Variants in DACH1 observed in about 807,000 individuals in gnomAD.
The protein encoded by DACH1 is dachshund family transcription factor 1.
Under a neutral mutation model 54.2 loss-of-function variants are expected in DACH1, and 12 were observed. That is an observed-to-expected ratio of 0.22 (90% CI 0.14 to 0.36). The LOEUF is 0.36. Among genes scored for constraint, DACH1 ranks in the 10% least tolerant of loss-of-function variants. The probability of loss-of-function intolerance (pLI) is 1.00; values close to 1 mark genes in which losing one functional copy is unlikely to be tolerated. For synonymous variants in DACH1, 386 were observed against 366.2 expected (o/e 1.05, Z -0.62); for missense variants, 805 against 929.8 (o/e 0.87, Z 1.75).
intron 1 of DACH1, among the ~76,000 whole-genome samples, chr13:71,791,990 C>G (rs1293932643): frequency 6.6e-6 from 1 of 152,156 alleles, no homozygotes; most frequent in Non-Finnish European, 1.5e-5. Flanking sequence ...GAGGGACACT[C>G]TAACTGTATC....
intron 1 of DACH1, among the ~76,000 whole-genome samples, chr13:71,856,727 T>C (rs1874027175): frequency 6.6e-6 from 1 of 151,958 alleles, no homozygotes; most frequent in Admixed American, 6.6e-5. Flanking sequence ...GCTTGCACTC[T>C]TACCGATGAC....
chr13:71,856,365 G>GA (rs1193886989), intron 1 of DACH1, among the ~76,000 whole-genome samples: 1 of 151,788 alleles, frequency 6.6e-6, no homozygotes, highest in Admixed American at 6.6e-5. Context: ...CAGTGCGTAA[G>GA]AAAAAAATCA....
rs117737234 is a variant in DACH1, at chr13:71,544,778, C to T, written c.1570+12246G>A. Among the ~76,000 whole-genome samples the T allele has an allele frequency of 3.9e-3, 594 of 152,144 alleles. 4 individuals carry two copies. Among genetic ancestry groups the T allele is most frequent in the Non-Finnish European group, 6.6e-3 (451 of 67,970 alleles). On this transcript the variant is annotated intron_variant, in intron 6 of 10. Coordinates refer to ENST00000613252, the MANE Select transcript of DACH1 (RefSeq NM_080759.6). ...CACCACATATTCATGGAACTTGCAACCTGGTGAATTACAAATCTTATCAGG... is the reference window on the plus strand; with the variant it reads ...CACCACATATTCATGGAACTTGCAATCTGGTGAATTACAAATCTTATCAGG...
intron 1 of DACH1, among the ~76,000 whole-genome samples, chr13:71,701,483 T>C (rs2138751074): frequency 6.6e-6 from 1 of 152,284 alleles, no homozygotes; most frequent in East Asian, 1.9e-4. Context: ...TGATGATTCC[T>C]TGTTCAGATA....
At position 71,479,259 on chromosome 13, in the gene DACH1, C is replaced by T. The variant is rs1179043824; in HGVS notation, c.1780G>A (p.Glu594Lys). The change falls in exon 8 of 11, where the codon GAA becomes AAA. Residue 594 changes from glutamate (E) to lysine (K), a missense_variant. Coordinates refer to ENST00000613252, the MANE Select transcript of DACH1 (RefSeq NM_080759.6). ...ARAQEKQVQLEKTELKMDFLR... is the reference protein window; with the variant it reads ...ARAQEKQVQLKKTELKMDFLR... ...AAATCCATCTTCAGCTCAGTTTTTTCCAGTTGGACCTGTTTCTCTTGAGCT... is the reference window on the plus strand; with the variant it reads ...AAATCCATCTTCAGCTCAGTTTTTTTCAGTTGGACCTGTTTCTCTTGAGCT... 3.7e-6 allele frequency: 6 copies of T among 1,613,484 alleles called. No homozygotes were observed. In the Admixed American group the frequency reaches 1.0e-4, roughly 27 times the overall value.
chr13:71,723,095 A>G (rs1435094788), intron 1 of DACH1, among the ~76,000 whole-genome samples: 1 of 152,052 alleles, frequency 6.6e-6, no homozygotes, highest in Non-Finnish European at 1.5e-5. Context: ...TCCTAAATAA[A>G]ATAAAACCTA....
chr13:71,761,751 T>C (rs1443603769), intron 1 of DACH1, among the ~76,000 whole-genome samples: 1 of 152,174 alleles, frequency 6.6e-6, no homozygotes, highest in Non-Finnish European at 1.5e-5. Flanking sequence ...AGCCATACTT[T>C]GATAAGCAAG....
intron 8 of DACH1, among the ~76,000 whole-genome samples, chr13:71,478,477 T>C (rs539966168): frequency 6.6e-6 from 1 of 152,322 alleles, no homozygotes; most frequent in Non-Finnish European, 1.5e-5. Context: ...AAGAGGCAGT[T>C]GATTGTAGAC....
At chr13:71,577,051 G>A (rs961689774) in intron 3 of DACH1, among the ~76,000 whole-genome samples, 5 of 152,020 alleles carry the variant, frequency 3.3e-5, no homozygotes, top group African/African-American at 1.2e-4. Flanking sequence ...CCTTACTGAG[G>A]AACTTCCTAA....
chr13:71,482,793 GTTTTTTT>G (rs10716729), intron 7 of DACH1, among the ~76,000 whole-genome samples: 1 of 67,494 alleles, frequency 1.5e-5, no homozygotes, highest in African/African-American at 4.6e-5. Context: ...TCAACTGACA[GTTTTTTT>G]TTTTTTTTTT....
chr13:71,515,995 G>C (rs185728738), intron 6 of DACH1, among the ~76,000 whole-genome samples: 97 of 152,006 alleles, frequency 6.4e-4, no homozygotes, highest in African/African-American at 2.1e-3. Flanking sequence ...GAAGTTAGGA[G>C]GCTATTTAAA....
At chr13:71,507,159 T>G (rs1880400063) in intron 6 of DACH1, among the ~76,000 whole-genome samples, 1 of 152,182 alleles carries the variant, frequency 6.6e-6, no homozygotes, top group Admixed American at 6.6e-5. Context: ...CCTACTCATC[T>G]TAAGATTCTT....
At chr13:71,692,506 CTTTTTTTTTTTTTTTTT>C (rs398023338) in intron 1 of DACH1, among the ~76,000 whole-genome samples, 23 of 44,438 alleles carry the variant, frequency 5.2e-4, no homozygotes, top group East Asian at 4.8e-3. Context: ...CTTTTCTTTC[CTTTTTTTTTTTTTTTTT>C]TTTTTTTTTT....
intron 10 of DACH1, among the ~76,000 whole-genome samples, chr13:71,466,102 T>C (rs779844874): frequency 6.6e-6 from 1 of 152,190 alleles, no homozygotes; most frequent in Non-Finnish European, 1.5e-5. Flanking sequence ...ACCGCAGAGA[T>C]GTGTCACAAC....
intron 1 of DACH1, among the ~76,000 whole-genome samples, chr13:71,797,491 G>A (rs1353443897): frequency 6.6e-6 from 1 of 152,072 alleles, no homozygotes; most frequent in Non-Finnish European, 1.5e-5. Context: ...TATCATTTCA[G>A]TTCATCTAAT....
chr13:71,542,481 T>A (rs548587284), intron 6 of DACH1, among the ~76,000 whole-genome samples: 1 of 152,250 alleles, frequency 6.6e-6, no homozygotes, highest in South Asian at 2.1e-4. Flanking sequence ...AAAGAATTGA[T>A]AGAGAAAAAT....
chr13:71,658,970 T>G (rs1347213937), intron 2 of DACH1, among the ~76,000 whole-genome samples: 7 of 152,176 alleles, frequency 4.6e-5, no homozygotes, highest in African/African-American at 1.4e-4. Flanking sequence ...AGCCCAATTT[T>G]TAAGTTAGGG....
At chr13:71,794,842 T>C (rs551491051) in intron 1 of DACH1, among the ~76,000 whole-genome samples, 1 of 152,330 alleles carries the variant, frequency 6.6e-6, no homozygotes, top group Non-Finnish European at 1.5e-5. Flanking sequence ...TCATTTTAAC[T>C]GAAAGGTAAA....
At chr13:71,467,405 C>T (rs1001965291) in intron 10 of DACH1, among the ~76,000 whole-genome samples, 18 of 148,348 alleles carry the variant, frequency 1.2e-4, no homozygotes, top group East Asian at 4.0e-4. Context: ...TGCTAAATGA[C>T]GAGTTAATGG....
Sources: gnomAD v4.1 joint callset for allele counts (sites outside exome capture counted in the v4.1 genomes callset) on GRCh38, gnomAD v4.1.1 for gene constraint, MANE v1.5 for transcripts, NCBI Gene and HGNC (gene_info 2026-07-23, HGNC 2026-07-21) for gene names.